Variants in OPCML observed in about 807,000 individuals in gnomAD.
The protein encoded by OPCML is opioid binding protein/cell adhesion molecule like, also known as opioid-binding protein/cell adhesion molecule.
OPCML carries 13 observed loss-of-function variants against 37.8 expected under a neutral mutation model. The observed-to-expected ratio is 0.34, with a 90% CI of 0.22 to 0.55. The LOEUF (loss-of-function observed/expected upper bound fraction) is 0.55, where lower values mean the gene tolerates loss of function less well. Ranked by LOEUF, OPCML falls within the 20% of genes least tolerant of loss-of-function variation. OPCML has a pLI of 0.91. For synonymous variants in OPCML, 176 were observed against 168.8 expected (o/e 1.04, Z -0.33); for missense variants, 341 against 435.6 (o/e 0.78, Z 1.93).
intron 3 of OPCML, among the ~76,000 whole-genome samples, chr11:132,578,041 C>G (rs969489223): frequency 6.6e-6 from 1 of 152,078 alleles, no homozygotes; most frequent in Non-Finnish European, 1.5e-5. Flanking sequence ...AAAGAATATG[C>G]AACTCAATAT....
chr11:132,763,007 G>T (rs920759173), intron 2 of OPCML, among the ~76,000 whole-genome samples: 8 of 152,118 alleles, frequency 5.3e-5, no homozygotes, highest in Admixed American at 4.6e-4. Context: ...CGTAGTATCT[G>T]GGCCAGATAG....
chr11:132,741,152 C>T (rs1190381284), intron 2 of OPCML, among the ~76,000 whole-genome samples: 2 of 152,294 alleles, frequency 1.3e-5, no homozygotes, highest in Middle Eastern at 3.4e-3. Context: ...CTGAGCCTGA[C>T]AGAACTTATC....
chr11:132,738,197 A>C (rs1945321499), intron 2 of OPCML, among the ~76,000 whole-genome samples: 1 of 152,228 alleles, frequency 6.6e-6, no homozygotes, highest in African/African-American at 2.4e-5. Flanking sequence ...CTGTATTTGA[A>C]TAATGAAGAA....
At chr11:132,890,305 A>T (rs1228921592) in intron 2 of OPCML, among the ~76,000 whole-genome samples, 1 of 152,186 alleles carries the variant, frequency 6.6e-6, no homozygotes, top group Non-Finnish European at 1.5e-5. Context: ...CTCACTGCTC[A>T]GCTTCTGGGG....
At chr11:132,486,439 A>C (rs2096200112) in intron 4 of OPCML, among the ~76,000 whole-genome samples, 1 of 152,142 alleles carries the variant, frequency 6.6e-6, no homozygotes, top group Admixed American at 6.6e-5. Flanking sequence ...GAACTTCAGA[A>C]CAGTTTTTTT....
intron 2 of OPCML, among the ~76,000 whole-genome samples, chr11:132,762,887 G>A (rs754986684): frequency 1.1e-4 from 16 of 152,164 alleles, no homozygotes; most frequent in East Asian, 3.9e-4. Context: ...CAGCTAGCTC[G>A]GTGCCTGCCC....
intron 1 of OPCML, among the ~76,000 whole-genome samples, chr11:133,472,766 T>C (rs1314761980): frequency 6.6e-6 from 1 of 151,962 alleles, no homozygotes; most frequent in Non-Finnish European, 1.5e-5. Context: ...TTCTGGCAAA[T>C]GAAAGTCCAA....
chr11:132,518,264 C>T (rs1472903975), intron 4 of OPCML, among the ~76,000 whole-genome samples: 1 of 152,062 alleles, frequency 6.6e-6, no homozygotes, highest in Admixed American at 6.5e-5. Context: ...GTGTGTTGTT[C>T]CCTTCACTGT....
intron 1 of OPCML, among the ~76,000 whole-genome samples, chr11:133,009,576 A>C (rs1019256170): frequency 1.3e-5 from 2 of 152,144 alleles, no homozygotes; most frequent in African/African-American, 4.8e-5. Flanking sequence ...GCATTCCCCA[A>C]TCTTTCTGGC....
rs74473374 is a variant in OPCML, at chr11:133,290,336, C to T, written c.61+241928G>A. On this transcript the variant is annotated intron_variant, in intron 1 of 7. Coordinates refer to ENST00000524381, the MANE Select transcript of OPCML (RefSeq NM_001012393.5). ...ATTAGAGAGGTGACCCTCAGCAGAGCGTGGTGCCTGTAATTCAGATCACCT... is the reference window on the plus strand; with the variant it reads ...ATTAGAGAGGTGACCCTCAGCAGAGTGTGGTGCCTGTAATTCAGATCACCT... 2.0e-3 allele frequency among the ~76,000 whole-genome samples: 298 copies of T among 152,280 alleles called. 2 individuals carry two copies. Among genetic ancestry groups the T allele is most frequent in the African/African-American group, 5.9e-3 (246 of 41,560 alleles).
At chr11:133,139,922 C>T (rs932742045) in intron 1 of OPCML, among the ~76,000 whole-genome samples, 2 of 152,148 alleles carry the variant, frequency 1.3e-5, no homozygotes, top group Non-Finnish European at 2.9e-5. Context: ...CGCGGTGGCT[C>T]ACTCCTGTAA....
At chr11:133,139,997 G>C (rs750611211) in intron 1 of OPCML, among the ~76,000 whole-genome samples, 1 of 151,514 alleles carries the variant, frequency 6.6e-6, no homozygotes, top group East Asian at 2.0e-4. Flanking sequence ...GACCAGCCTG[G>C]TCTATATGGT....
intron 1 of OPCML, among the ~76,000 whole-genome samples, chr11:133,001,750 GC>G (rs1287596689): frequency 6.6e-6 from 1 of 152,224 alleles, no homozygotes; most frequent in African/African-American, 2.4e-5. Flanking sequence ...CCTATAGATT[GC>G]CTCAGCCTCA....
intron 4 of OPCML, among the ~76,000 whole-genome samples, chr11:132,476,964 T>G (rs1286422637): frequency 6.6e-6 from 1 of 152,204 alleles, no homozygotes; most frequent in Non-Finnish European, 1.5e-5. Flanking sequence ...GCAAGTGTCC[T>G]TTTAATCTGA....
intron 1 of OPCML, among the ~76,000 whole-genome samples, chr11:133,119,702 C>T (rs904554551): frequency 1.3e-5 from 2 of 152,134 alleles, no homozygotes; most frequent in Non-Finnish European, 2.9e-5. Flanking sequence ...GCGAGGAAAA[C>T]TTCACAAAGG....
At chr11:133,343,668 A>T (rs1943928988) in intron 1 of OPCML, among the ~76,000 whole-genome samples, 1 of 152,220 alleles carries the variant, frequency 6.6e-6, no homozygotes, top group African/African-American at 2.4e-5. Context: ...GATTCCATTA[A>T]TTTCTTTTCA....
At chr11:133,099,442 C>CTTTTTT (rs35161811) in intron 1 of OPCML, among the ~76,000 whole-genome samples, 13 of 119,466 alleles carry the variant, frequency 1.1e-4, no homozygotes, top group Admixed American at 1.8e-4. Flanking sequence ...TTCTTTTTTT[C>CTTTTTT]TTTTTTTTTT....
intron 1 of OPCML, among the ~76,000 whole-genome samples, chr11:133,445,989 G>T (rs1211650379): frequency 2.6e-5 from 4 of 152,108 alleles, no homozygotes; most frequent in Non-Finnish European, 5.9e-5. Context: ...ATCTAAAAGG[G>T]GGTCAAAAAT....
In OPCML at chr11:133,450,537, A is replaced by G. The variant is rs1017408954; in HGVS notation, c.61+81727T>C. ...GAATACTCAGTGAGAATATCAACAC[A>G]TCTCTGAGAAAAATGGGACTGTCTA... On this transcript the variant is annotated intron_variant, in intron 1 of 7. Coordinates refer to ENST00000524381, the MANE Select transcript of OPCML (RefSeq NM_001012393.5). Among the ~76,000 whole-genome samples the G allele has an allele frequency of 4.0e-5, 6 of 151,614 alleles. 2 individuals are homozygous for G. The highest frequency in any genetic ancestry group is 1.5e-4 in the African/African-American group (6 of 40,914).
Sources: gnomAD v4.1 joint callset for allele counts (sites outside exome capture counted in the v4.1 genomes callset) on GRCh38, gnomAD v4.1.1 for gene constraint, MANE v1.5 for transcripts, NCBI Gene and HGNC (gene_info 2026-07-23, HGNC 2026-07-21) for gene names.